The following IFT43 variants were observed in gnomAD, a reference collection of about 807,000 sequenced individuals.
IFT43 encodes intraflagellar transport protein 43 homolog.
A neutral mutation model predicts 32.3 loss-of-function variants in IFT43; 33 were observed. The ratio of observed to expected loss-of-function variants is 1.02; its 90% confidence interval spans 0.77 to 1.37. The LOEUF is 1.37. Among genes scored for constraint, IFT43 ranks in the 40% most tolerant of loss-of-function variants. IFT43 has a pLI of 0.00. For synonymous variants in IFT43, 93 were observed against 98.2 expected (o/e 0.95, Z 0.31); for missense variants, 274 against 265.9 (o/e 1.03, Z -0.21).
chr14:76,083,542 A>G lies in IFT43; in HGVS notation c.592A>G (p.Lys198Glu). ...TGAGTGGGACCCACTGCAGACGGAG[A>G]AGGAGGACCCTGCGGGGCAGGCCAG... is the stretch of plus-strand genomic sequence containing the variant. ...LTEWDPLQTEKEDPAGQARHT is the reference protein window; with the variant it reads ...LTEWDPLQTEEEDPAGQARHT The change falls in exon 9 of 9, where the codon AAG (lysine) becomes GAG (glutamate). Residue 198 changes from lysine (K) to glutamate (E), a missense_variant. Physicochemically the swap from Lys to Glu is moderately conservative, Grantham distance 56 (BLOSUM62 1). Transcript: ENST00000314067. 2.5e-6 allele frequency: 4 copies of G among 1,614,088 alleles called. No individual in the cohort carries two copies. Among genetic ancestry groups the G allele is most frequent in the African/African-American group, 1.3e-5 (1 of 75,032 alleles).
At chr14:76,000,480 G>A (rs1190212290) in intron 2 of IFT43, among the ~76,000 whole-genome samples, 3 of 150,876 alleles carry the variant, frequency 2.0e-5, no homozygotes, top group South Asian at 2.1e-4. Context: ...CACCGTGTTC[G>A]CCAGGATTGT....
At chr14:76,057,855 C>T (rs1387699628) in intron 3 of IFT43, among the ~76,000 whole-genome samples, 1 of 152,194 alleles carries the variant, frequency 6.6e-6, no homozygotes, top group Non-Finnish European at 1.5e-5. Context: ...TCTCCATGTA[C>T]CCAATATTCA....
intron 3 of IFT43, among the ~76,000 whole-genome samples, chr14:76,036,221 T>C (rs965104026): frequency 1.3e-5 from 2 of 152,182 alleles, no homozygotes; most frequent in Non-Finnish European, 2.9e-5. Flanking sequence ...GATATCCAGG[T>C]CATATTGAGT....
At chr14:76,048,322 T>C (rs1478997159) in intron 3 of IFT43, among the ~76,000 whole-genome samples, 1 of 152,194 alleles carries the variant, frequency 6.6e-6, no homozygotes, top group South Asian at 2.1e-4. Context: ...AGGAAAAAAG[T>C]TGTGTCCCCT....
intron 2 of IFT43, among the ~76,000 whole-genome samples, chr14:75,992,302 T>C (rs910856569): frequency 6.6e-6 from 1 of 152,212 alleles, no homozygotes; most frequent in African/African-American, 2.4e-5. Flanking sequence ...ACCAGGTTGA[T>C]ATGGGGGCAA....
intron 5 of IFT43, 160 bp downstream of exon 5, chr14:76,059,533 C>T (rs2037090334): frequency 1.4e-6 from 1 of 704,458 alleles, no homozygotes; most frequent in East Asian, 2.8e-5. Context: ...CTGAATGCTG[C>T]CACCTCTACC....
At chr14:76,042,258 A>G (rs199569613) in intron 3 of IFT43, among the ~76,000 whole-genome samples, 1 of 138,796 alleles carries the variant, frequency 7.2e-6, no homozygotes, top group East Asian at 2.0e-4. Context: ...ACTGAAGAGT[A>G]AAAAAAAAAA....
chr14:76,005,683 T>G (rs1415374689), intron 2 of IFT43, among the ~76,000 whole-genome samples: 1 of 152,226 alleles, frequency 6.6e-6, no homozygotes, highest in Non-Finnish European at 1.5e-5. Context: ...AAATTGCAGC[T>G]TTCTGCTGGA....
chr14:76,059,644 C>G, intron 5 of IFT43: 1 of 475,876 alleles, frequency 2.1e-6, no homozygotes, highest in East Asian at 4.1e-5. Flanking sequence ...CCATCCCACT[C>G]CCTCTCTCAC....
chr14:76,030,898 AT>A (rs1399194440), intron 3 of IFT43, among the ~76,000 whole-genome samples: 2 of 151,664 alleles, frequency 1.3e-5, no homozygotes, highest in South Asian at 4.1e-4. Context: ...GTATTCAGTG[AT>A]GTCTCACTCC....
chr14:76,019,475 C>CT (rs2036251277), intron 2 of IFT43, among the ~76,000 whole-genome samples: 1 of 151,814 alleles, frequency 6.6e-6, no homozygotes, highest in Admixed American at 6.6e-5. Flanking sequence ...TGACTTGACA[C>CT]TTTCCTCCTG....
chr14:76,065,930 T>G lies in IFT43; in HGVS notation c.295+6557T>G, dbSNP rs533483964. On this transcript the variant is annotated intron_variant, in intron 5 of 8. Transcript: ENST00000314067. Reference sequence around the variant, plus strand: ...CACTGTGCCCAGCTCATTAACCCCATTTTAAAGCAGACTAAGGCAAAGAAA... The same window carrying G: ...CACTGTGCCCAGCTCATTAACCCCAGTTTAAAGCAGACTAAGGCAAAGAAA... Among the ~76,000 whole-genome samples the G allele has an allele frequency of 4.6e-5, 7 of 152,354 alleles. No individual in the cohort carries two copies. In the East Asian group the frequency reaches 1.3e-3, roughly 29 times the overall value.
At chr14:76,053,475 A>G (rs1211187162) in intron 3 of IFT43, among the ~76,000 whole-genome samples, 1 of 152,196 alleles carries the variant, frequency 6.6e-6, no homozygotes, top group Non-Finnish European at 1.5e-5. Flanking sequence ...CACGACAGCA[A>G]GACAACCGCC....
chr14:76,060,603 A>G (rs1047414935), intron 5 of IFT43, among the ~76,000 whole-genome samples: 1 of 133,932 alleles, frequency 7.5e-6, no homozygotes, highest in Non-Finnish European at 1.7e-5. Context: ...CCTAGTTTCT[A>G]TCTGGCATCA....
intron 1 of IFT43, chr14:75,986,207 C>G (rs2035524262): frequency 9.9e-6 from 13 of 1,308,320 alleles, no homozygotes; most frequent in Non-Finnish European, 1.3e-5. Flanking sequence ...TCGCTCCCAT[C>G]CTAGAGTTTT....
Position 76,058,672 on chromosome 14 carries a change from A to G in IFT43, c.246A>G (p.Glu82=). Reference sequence around the variant, plus strand: ...GGAGGAAGGCTTCTGAAGAAATAGAAGAGTACGTTTCCAGTATTCTTATTC... The same window carrying G: ...GGAGGAAGGCTTCTGAAGAAATAGAGGAGTACGTTTCCAGTATTCTTATTC... ...KFRRKASEEI[E]DFRLRPQSLN... is the part of the protein sequence containing the mutation. Residue 82 remains glutamate (E), a splice_region_variant and synonymous_variant, in exon 4 of 9, where the codon GAA becomes GAG. Transcript: ENST00000314067. 1 of 1,612,436 alleles carries G rather than the reference A, an allele frequency of 6.2e-7. No homozygotes were observed. Among genetic ancestry groups the G allele is most frequent in the Non-Finnish European group, 8.5e-7 (1 of 1,179,716 alleles).
intron 2 of IFT43, 45 bp from the exon 3 acceptor site, chr14:76,022,282 C>T (rs1193244458): frequency 6.6e-7 from 1 of 1,522,256 alleles, no homozygotes; most frequent in Non-Finnish European, 9.1e-7. Context: ...AAAATAAATG[C>T]AAATGTTGAG....
chr14:75,993,327 A>G (rs568377877), intron 2 of IFT43, among the ~76,000 whole-genome samples: 1 of 152,236 alleles, frequency 6.6e-6, no homozygotes, highest in Admixed American at 6.5e-5. Flanking sequence ...CTTTAAAATC[A>G]GAAGCCCTGG....
chr14:75,986,199 G>T (rs889489191), intron 1 of IFT43: 1 of 1,312,772 alleles, frequency 7.6e-7, no homozygotes, highest in Admixed American at 2.3e-5. Flanking sequence ...GGTCGCACTC[G>T]CTCCCATCCT....
Sources: gnomAD v4.1 joint callset for allele counts (sites outside exome capture counted in the v4.1 genomes callset) on GRCh38, gnomAD v4.1.1 for gene constraint, MANE v1.5 for transcripts, NCBI Gene and HGNC (gene_info 2026-07-23, HGNC 2026-07-21) for gene names.